KAZN: variants seen among roughly 807,000 people sequenced by gnomAD.
KAZN encodes kazrin.
In KAZN, 40 loss-of-function variants were observed where a neutral mutation model predicts 87.4. That is an observed-to-expected ratio of 0.46 (90% confidence interval 0.36 to 0.60). KAZN has a LOEUF of 0.60. Among genes scored for constraint, KAZN ranks in the 20% least tolerant of loss-of-function variants. The pLI, the probability that KAZN is intolerant of heterozygous loss-of-function variation, is 0.00. For synonymous variants in KAZN, 466 were observed against 458.3 expected (o/e 1.02, Z -0.22); for missense variants, 898 against 1,073.9 (o/e 0.84, Z 2.29).
intron 2 of KAZN, among the ~76,000 whole-genome samples, chr1:14,370,885 G>C (rs976511665): frequency 6.6e-6 from 1 of 152,144 alleles, no homozygotes; most frequent in African/African-American, 2.4e-5. Context: ...GAGTTTTGTT[G>C]TGTTGTCCAT....
chr1:14,854,492 A>C (rs1387099342), intron 1 of KAZN, among the ~76,000 whole-genome samples: 1 of 152,196 alleles, frequency 6.6e-6, no homozygotes, highest in Non-Finnish European at 1.5e-5. Flanking sequence ...GACTTCTTGC[A>C]GTGTCACATG....
At chr1:14,834,038 T>C (rs566758540) in intron 1 of KAZN, among the ~76,000 whole-genome samples, 1 of 151,868 alleles carries the variant, frequency 6.6e-6, no homozygotes, top group South Asian at 2.1e-4. Flanking sequence ...TATATATTTT[T>C]TGTTGTTGTT....
intron 1 of KAZN, among the ~76,000 whole-genome samples, chr1:13,955,389 T>C (rs1007133036): frequency 6.6e-6 from 1 of 152,176 alleles, no homozygotes; most frequent in African/African-American, 2.4e-5. Flanking sequence ...TTTATATGAA[T>C]AAATCTCCTT....
intron 1 of KAZN, among the ~76,000 whole-genome samples, chr1:14,817,203 T>A (rs773877485): frequency 9.2e-5 from 14 of 152,346 alleles, no homozygotes; most frequent in Middle Eastern, 3.4e-3. Context: ...CTTGTGCTCA[T>A]CATGTACTGT....
intron 2 of KAZN, among the ~76,000 whole-genome samples, chr1:14,418,112 A>G (rs1028640598): frequency 2.0e-5 from 3 of 148,266 alleles, no homozygotes; most frequent in Admixed American, 6.8e-5. Flanking sequence ...CAGAGTTACC[A>G]GTGGAACCAC....
At chr1:15,007,121 T>G (rs1053631033) in intron 2 of KAZN, among the ~76,000 whole-genome samples, 2 of 146,988 alleles carry the variant, frequency 1.4e-5, no homozygotes. Flanking sequence ...ATGATACTCA[T>G]AATACCAATC....
chr1:14,946,478 C>T (rs1436144803), intron 1 of KAZN, among the ~76,000 whole-genome samples: 7 of 152,074 alleles, frequency 4.6e-5, no homozygotes, highest in African/African-American at 1.7e-4. Flanking sequence ...ACTGGGGCTA[C>T]AGGCGCCTGC....
At chr1:14,725,858 T>C (rs1313021586) in intron 1 of KAZN, among the ~76,000 whole-genome samples, 2 of 152,222 alleles carry the variant, frequency 1.3e-5, no homozygotes, top group East Asian at 1.9e-4. Context: ...TTTCCTGTGA[T>C]GCTGATGTTG....
chr1:14,397,376 CAG>C (rs1662987944), intron 2 of KAZN, among the ~76,000 whole-genome samples: 1 of 152,122 alleles, frequency 6.6e-6, no homozygotes, highest in Non-Finnish European at 1.5e-5. Context: ...TCATATGGTG[CAG>C]AGAGAGAGAA....
intron 1 of KAZN, among the ~76,000 whole-genome samples, chr1:14,643,570 G>T (rs569821132): frequency 3.9e-4 from 60 of 152,196 alleles, no homozygotes; most frequent in Non-Finnish European, 7.2e-4. Context: ...GTCTGTCAAT[G>T]ATGGGCATTT....
intron 2 of KAZN, among the ~76,000 whole-genome samples, chr1:14,458,666 C>T (rs925623945): frequency 2.0e-5 from 3 of 152,136 alleles, no homozygotes; most frequent in African/African-American, 7.2e-5. Flanking sequence ...TCTGTTCAAA[C>T]ATGTTAATTT....
In KAZN at chr1:15,094,994, C is replaced by A. The variant is rs1255478683; in HGVS notation, c.1547+61C>A. ...AAAAAGTCATCCTGAGGCCTTTGGT[C>A]ACACAGGTGGGGTGAGCGGGGCACT... is the stretch of plus-strand genomic sequence containing the variant. On this transcript the variant is annotated intron_variant, in intron 10 of 14. Transcript: ENST00000376030. This position sits in a 1 kb window ranked among gnomAD's most constrained non-coding sequence, Gnocchi z 4.5. The A allele has an allele frequency of 4.9e-6, 6 of 1,214,198 alleles. No individual in the cohort carries two copies. The highest frequency in any genetic ancestry group is 4.0e-5 in the South Asian group (3 of 75,682). The allele number at this position is 1,214,198 out of a possible 1,614,324, so 75.2% of individuals were successfully genotyped here. A position where few individuals can be genotyped will look rare whatever the true frequency, so the allele number is the denominator to read the frequency against.
intron 6 of KAZN, chr1:15,062,577 C>A (rs1223595493): frequency 6.6e-6 from 1 of 152,620 alleles, no homozygotes; most frequent in Non-Finnish European, 1.5e-5. Context: ...ACACTCTGGC[C>A]ACTAATTTAG....
At chr1:15,020,877 G>C (rs1367039183) in intron 2 of KAZN, among the ~76,000 whole-genome samples, 1 of 152,178 alleles carries the variant, frequency 6.6e-6, no homozygotes, top group Non-Finnish European at 1.5e-5. Context: ...AGGAGCGGCA[G>C]AGCTGGATGT....
At chr1:14,509,537 G>A (rs770817822) in intron 2 of KAZN, among the ~76,000 whole-genome samples, 8 of 152,210 alleles carry the variant, frequency 5.3e-5, no homozygotes, top group South Asian at 2.1e-4. Context: ...AGAGGTAGGC[G>A]AGGAGCCTCG....
intron 8 of KAZN, among the ~76,000 whole-genome samples, chr1:15,075,860 G>A (rs1466577456): frequency 6.6e-6 from 1 of 152,194 alleles, no homozygotes; most frequent in Admixed American, 6.5e-5. Context: ...TTGGCACAGG[G>A]ACCCAGGGGA....
intron 2 of KAZN, among the ~76,000 whole-genome samples, chr1:14,556,134 G>A (rs535949875): frequency 1.9e-4 from 27 of 140,546 alleles, no homozygotes; most frequent in African/African-American, 6.7e-4. Context: ...TTTTTCAGTC[G>A]GAGTCTCACT....
intron 1 of KAZN, among the ~76,000 whole-genome samples, chr1:14,883,753 C>G (rs1653746238): frequency 6.6e-6 from 1 of 152,186 alleles, no homozygotes. Context: ...GACAGGGGGC[C>G]TACCTTTGCC....
At chr1:14,911,695 A>G (rs1392082830) in intron 1 of KAZN, among the ~76,000 whole-genome samples, 2 of 152,160 alleles carry the variant, frequency 1.3e-5, no homozygotes, top group African/African-American at 2.4e-5. Flanking sequence ...AGGATGGCTC[A>G]GTGGGCAAGC....
Sources: allele counts gnomAD v4.1 joint callset (sites outside exome capture counted in the v4.1 genomes callset), GRCh38; gene constraint gnomAD v4.1.1; non-coding constraint Gnocchi (gnomAD v3.1); transcripts MANE v1.5; gene names NCBI Gene and HGNC (gene_info 2026-07-23, HGNC 2026-07-21).